Variants in ABCA1 observed in about 807,000 individuals in gnomAD.
ABCA1 encodes ATP binding cassette subfamily A member 1.
ABCA1 carries 133 observed loss-of-function variants against 262.5 expected under a neutral mutation model. That is an observed-to-expected ratio of 0.51 (90% CI 0.44 to 0.59). The LOEUF (loss-of-function observed/expected upper bound fraction) is 0.59, where lower values mean the gene tolerates loss of function less well. Ranked by LOEUF, ABCA1 falls within the 20% of genes least tolerant of loss-of-function variation. The pLI is 0.00. For missense variants in ABCA1, 2,452 were observed against 2,777.5 expected (o/e 0.88, Z 2.63); for synonymous variants, 1,022 against 1,043.5 (o/e 0.98, Z 0.40).
At chr9:104,865,556 G>A (rs1268604930) in intron 5 of ABCA1, among the ~76,000 whole-genome samples, 2 of 150,290 alleles carry the variant, frequency 1.3e-5, no homozygotes, top group Non-Finnish European at 3.0e-5. Flanking sequence ...TTTTTCAGGT[G>A]ATTGCAGCCA....
At chr9:104,852,556 A>G (rs1318675450) in intron 7 of ABCA1, among the ~76,000 whole-genome samples, 2 of 152,230 alleles carry the variant, frequency 1.3e-5, no homozygotes, top group Non-Finnish European at 2.9e-5. Context: ...ATGAAGAAAT[A>G]GTATAACTAA....
At chr9:104,833,652 T>C (rs1833544739) in intron 11 of ABCA1, among the ~76,000 whole-genome samples, 1 of 152,232 alleles carries the variant, frequency 6.6e-6, no homozygotes, top group Admixed American at 6.5e-5. Flanking sequence ...CTTCCTCTTT[T>C]GAGACCCAGT....
intron 41 of ABCA1, 127 bp from the exon 42 acceptor site, chr9:104,793,033 G>C: frequency 1.3e-6 from 2 of 1,581,016 alleles, no homozygotes; most frequent in Non-Finnish European, 1.7e-6. Context: ...GGGGCTGCGG[G>C]ATGCCCACAT....
At chr9:104,819,867 C>T (rs1019686887) in intron 21 of ABCA1, 60 bp downstream of exon 21, 77 of 1,608,804 alleles carry the variant, frequency 4.8e-5, no homozygotes, top group Admixed American at 1.0e-4. Context: ...GATTTTCCTC[C>T]GCATGTGTGT....
chr9:104,855,448 G>A (rs373606742), intron 7 of ABCA1: 3 of 333,516 alleles, frequency 9.0e-6, no homozygotes, highest in African/African-American at 2.1e-5. Flanking sequence ...TGATTCATCC[G>A]CCTCGGCCCC....
intron 30 of ABCA1, among the ~76,000 whole-genome samples, chr9:104,809,094 G>A (rs2777805): frequency 0.68 from 103,981 of 152,234 alleles, 36,657 homozygotes; most frequent in Non-Finnish European, 0.76. Flanking sequence ...AAGCTGATAA[G>A]CAAAACCTAA....
intron 1 of ABCA1, among the ~76,000 whole-genome samples, chr9:104,924,517 G>C (rs918316645): frequency 2.0e-5 from 3 of 151,758 alleles, no homozygotes; most frequent in Admixed American, 2.0e-4. Flanking sequence ...GGTTGAGGCA[G>C]GAGAATCACC....
At chr9:104,865,385 G>T (rs1221444818) in intron 5 of ABCA1, among the ~76,000 whole-genome samples, 1 of 151,952 alleles carries the variant, frequency 6.6e-6, no homozygotes, top group Non-Finnish European at 1.5e-5. Flanking sequence ...GTGTGGTGGT[G>T]GGTGCCTGTA....
At chr9:104,927,212 GA>G (rs138985328) in intron 1 of ABCA1, among the ~76,000 whole-genome samples, 1 of 134,690 alleles carries the variant, frequency 7.4e-6, no homozygotes, top group Non-Finnish European at 1.6e-5. Context: ...TTAAAGGAAA[GA>G]AAAAAAAGAA....
At chr9:104,925,235 G>A (rs946157722) in intron 1 of ABCA1, among the ~76,000 whole-genome samples, 2 of 152,140 alleles carry the variant, frequency 1.3e-5, no homozygotes, top group African/African-American at 4.8e-5. Flanking sequence ...AAACTAGCCA[G>A]GCATGGTGGC....
At chr9:104,801,733 G>A (rs60401607) in intron 34 of ABCA1, among the ~76,000 whole-genome samples, 9,929 of 151,104 alleles carry the variant, frequency 0.066, 424 homozygotes, top group East Asian at 0.23. Context: ...TAGTAGATAC[G>A]GGGTTTTGTC....
At chr9:104,870,038 G>A (rs920742893) in intron 5 of ABCA1, among the ~76,000 whole-genome samples, 1 of 152,212 alleles carries the variant, frequency 6.6e-6, no homozygotes, top group Non-Finnish European at 1.5e-5. Context: ...TAAAGTCATA[G>A]ATGACAAGCT....
chr9:104,925,040 A>G (rs1453371026), intron 1 of ABCA1, among the ~76,000 whole-genome samples: 4 of 152,198 alleles, frequency 2.6e-5, no homozygotes, highest in African/African-American at 4.8e-5. Context: ...CCAATCCTGC[A>G]CTAATGCACT....
chr9:104,809,460 A>T lies in ABCA1; in HGVS notation c.4274+6T>A, dbSNP rs752637670. On this transcript the variant is annotated splice_donor_region_variant and intron_variant, in intron 30 of 49. Coordinates refer to ENST00000374736, the MANE Select transcript of ABCA1 (RefSeq NM_005502.4). ...GAAGCCTGCTTATGGCTAAAGTGGC[A>T]CTCACGGGATTGGGTTTCCTTCCAT... 6 of 1,613,930 alleles carry T rather than the reference A, an allele frequency of 3.7e-6. No homozygotes were observed. The African/African-American group carries it at 5.3e-5, about 14-fold the overall frequency.
chr9:104,925,065 G>A (rs951139531), intron 1 of ABCA1, among the ~76,000 whole-genome samples: 1 of 152,078 alleles, frequency 6.6e-6, no homozygotes, highest in Non-Finnish European at 1.5e-5. Flanking sequence ...CACACAAACC[G>A]AAAATATGTT....
intron 7 of ABCA1, among the ~76,000 whole-genome samples, chr9:104,852,392 T>A (rs1835448134): frequency 6.6e-6 from 1 of 152,232 alleles, no homozygotes; most frequent in Non-Finnish European, 1.5e-5. Flanking sequence ...AAAAAATAAA[T>A]CAACAACCTA....
chr9:104,913,243 C>G (rs78974110), intron 1 of ABCA1, among the ~76,000 whole-genome samples: 2,879 of 152,246 alleles, frequency 0.019, 61 homozygotes, highest in East Asian at 0.028. Flanking sequence ...TCCCCAAATC[C>G]TTAACTCCTT....
chr9:104,909,683 AATG>A (rs1724489654), intron 1 of ABCA1, among the ~76,000 whole-genome samples: 1 of 151,124 alleles, frequency 6.6e-6, no homozygotes, highest in South Asian at 2.1e-4. Context: ...TGAAGGGGGA[AATG>A]ATGACCCTAG....
intron 2 of ABCA1, among the ~76,000 whole-genome samples, chr9:104,893,163 C>T (rs992338544): frequency 1.3e-5 from 2 of 151,952 alleles, no homozygotes; most frequent in African/African-American, 4.8e-5. Context: ...TGGCTCACAC[C>T]TGTAATCCCA....
Sources: allele counts gnomAD v4.1 joint callset (sites outside exome capture counted in the v4.1 genomes callset), GRCh38; gene constraint gnomAD v4.1.1; transcripts MANE v1.5; gene names NCBI Gene and HGNC (gene_info 2026-07-23, HGNC 2026-07-21).